The following SPEF2 variants were observed in gnomAD, a reference collection of about 807,000 sequenced individuals.
The protein encoded by SPEF2 is sperm flagellar and cilia associated 2.
In SPEF2, 187 loss-of-function variants were observed where a neutral mutation model predicts 224.6. The ratio of observed to expected loss-of-function variants is 0.83; its 90% CI spans 0.74 to 0.94. The LOEUF is 0.94. SPEF2 is among the 40% of genes least tolerant of loss of function. The probability of loss-of-function intolerance (pLI) is 0.00; values close to 1 mark genes in which losing one functional copy is unlikely to be tolerated. For synonymous variants in SPEF2, 715 were observed against 707.3 expected (o/e 1.01, Z -0.17); for missense variants, 2,170 against 2,135.6 (o/e 1.02, Z -0.32).
chr5:35,708,569 A>ACACCCCCACCATCACCATAACTAT (rs1554037867), intron 18 of SPEF2, among the ~76,000 whole-genome samples: 1 of 91,580 alleles, frequency 1.1e-5, no homozygotes, highest in Non-Finnish European at 2.4e-5. Context: ...CACCACTACC[A>ACACCCCCACCATCACCATAACTAT]CACCACCACC....
intron 26 of SPEF2, among the ~76,000 whole-genome samples, chr5:35,764,282 A>T (rs1316304476): frequency 6.6e-6 from 1 of 152,058 alleles, no homozygotes; most frequent in African/African-American, 2.4e-5. Flanking sequence ...TGGGGTAAGT[A>T]TTATTATTAT....
In SPEF2 at chr5:35,700,708, A is replaced by G. The variant is rs759189552; in HGVS notation, c.2354A>G (p.Asp785Gly). ...GCATTTGATTTTGTCATATTATTAG[A>G]TGTTTCAGATACTTCCTCAATGAGT... ...SPAFDFVILL[D>G]VSDTSSMSRM... The change falls in exon 16 of 37, where the codon GAT becomes GGT. Residue 785 changes from aspartate (D) to glycine (G), a missense_variant. Asp to Gly is a moderately conservative substitution (Grantham distance 94, BLOSUM62 -1). Coordinates refer to ENST00000356031, the MANE Select transcript of SPEF2 (RefSeq NM_024867.4). 1.9e-6 allele frequency: 3 copies of G among 1,613,938 alleles called. No homozygotes were observed.
chr5:35,653,546 T>G (rs1748496288), intron 6 of SPEF2, among the ~76,000 whole-genome samples: 1 of 152,078 alleles, frequency 6.6e-6, no homozygotes, highest in Admixed American at 6.6e-5. Context: ...GACACTTGGG[T>G]TATCAATAGT....
At chr5:35,744,951 G>A (rs1443767539) in intron 23 of SPEF2, among the ~76,000 whole-genome samples, 1 of 152,092 alleles carries the variant, frequency 6.6e-6, no homozygotes, top group Non-Finnish European at 1.5e-5. Flanking sequence ...CGGGACCTGG[G>A]AGACACCCCA....
At chr5:35,789,260 G>A in intron 30 of SPEF2, 1 of 703,166 alleles carries the variant, frequency 1.4e-6, no homozygotes, top group Non-Finnish European at 2.6e-6. Flanking sequence ...CTTGTTGGAT[G>A]TCATGAATGT....
intron 1 of SPEF2, among the ~76,000 whole-genome samples, chr5:35,621,190 T>C (rs954737270): frequency 6.6e-6 from 1 of 152,210 alleles, no homozygotes; most frequent in Non-Finnish European, 1.5e-5. Flanking sequence ...AATAAAGTAT[T>C]GTGGGAGCTT....
At chr5:35,737,873 C>T (rs1021803232) in intron 21 of SPEF2, among the ~76,000 whole-genome samples, 7 of 152,104 alleles carry the variant, frequency 4.6e-5, no homozygotes, top group Non-Finnish European at 8.8e-5. Context: ...TCTCCAGCAC[C>T]TGTTGTTTCC....
chr5:35,664,691 G>A (rs1750201259), intron 8 of SPEF2, among the ~76,000 whole-genome samples: 1 of 146,074 alleles, frequency 6.8e-6, no homozygotes, highest in African/African-American at 2.6e-5. Context: ...GGGAAAGGAA[G>A]GGAAAGAAGA....
intron 2 of SPEF2, among the ~76,000 whole-genome samples, chr5:35,639,500 G>T (rs1223104195): frequency 7.9e-5 from 12 of 151,908 alleles, no homozygotes; most frequent in African/African-American, 2.9e-4. Flanking sequence ...AACACTTTTA[G>T]TTTCTTTAGT....
chr5:35,758,254 G>C (rs1750730637), intron 24 of SPEF2, among the ~76,000 whole-genome samples: 1 of 152,038 alleles, frequency 6.6e-6, no homozygotes, highest in Admixed American at 6.5e-5. Flanking sequence ...TAATTAACTA[G>C]ATACCATGGA....
At chr5:35,807,305 T>C (rs1267429176) in intron 36 of SPEF2, 52 bp downstream of exon 36, 2 of 1,569,338 alleles carry the variant, frequency 1.3e-6, no homozygotes, top group South Asian at 2.4e-5. Flanking sequence ...GTTCAGGACA[T>C]GCTAGGATGT....
intron 21 of SPEF2, among the ~76,000 whole-genome samples, chr5:35,729,995 A>G (rs1053399336): frequency 6.6e-6 from 1 of 152,200 alleles, no homozygotes; most frequent in African/African-American, 2.4e-5. Context: ...TATCAGCTGC[A>G]TGAAAACGGA....
chr5:35,812,686 A>G (rs1242764104), intron 36 of SPEF2, among the ~76,000 whole-genome samples: 1 of 152,246 alleles, frequency 6.6e-6, no homozygotes, highest in Admixed American at 6.5e-5. Context: ...ATTACCTTAT[A>G]ATTGAGGTTT....
At chr5:35,674,527 C>G (rs534703045) in intron 10 of SPEF2, among the ~76,000 whole-genome samples, 4 of 109,812 alleles carry the variant, frequency 3.6e-5, no homozygotes, top group Admixed American at 1.1e-4. Context: ...TCCCTCCCCC[C>G]TCCCCCGACC....
intron 26 of SPEF2, among the ~76,000 whole-genome samples, chr5:35,771,009 C>A (rs981389796): frequency 1.3e-5 from 2 of 152,096 alleles, no homozygotes; most frequent in Admixed American, 6.5e-5. Context: ...TTCAACTGTC[C>A]ATGACCCAAT....
At position 35,695,858 on chromosome 5, in the gene SPEF2, T is replaced by G. The variant is rs1367639477; in HGVS notation, c.2037+62T>G. On this transcript the variant is annotated intron_variant, in intron 14 of 36. Transcript: ENST00000356031. The stretch of plus-strand genomic sequence containing the variant: ...TAAAACCTGTCATGATTAATGGTGT[T>G]TTGGAGTGTCTTCGAATGCAATGAA... The G allele has an allele frequency of 3.1e-6, 4 of 1,300,350 alleles. No individual in the cohort carries two copies. The African/African-American group carries it at 4.7e-5, about 15-fold the overall frequency. The allele number at this position is 1,300,350 out of a possible 1,614,324, so 80.6% of individuals were successfully genotyped here. A position where few individuals can be genotyped will look rare whatever the true frequency, so the allele number is the denominator to read the frequency against.
chr5:35,659,425 A>G (rs1461063630), intron 8 of SPEF2, among the ~76,000 whole-genome samples: 1 of 152,152 alleles, frequency 6.6e-6, no homozygotes, highest in Admixed American at 6.5e-5. Flanking sequence ...TCTTGGTTCT[A>G]CAAGTAGCTA....
intron 19 of SPEF2, among the ~76,000 whole-genome samples, chr5:35,711,050 A>G (rs1741007574): frequency 1.3e-5 from 2 of 152,334 alleles, no homozygotes; most frequent in African/African-American, 4.8e-5. Flanking sequence ...AGAGAGGAAC[A>G]TTTATCACAG....
intron 9 of SPEF2, 88 bp from the exon 10 acceptor site, chr5:35,669,971 A>G (rs1017271845): frequency 9.7e-7 from 1 of 1,029,130 alleles, no homozygotes; most frequent in Admixed American, 2.6e-5. Context: ...AAAGTGAGCT[A>G]ATTACATAAA....
Sources: allele counts gnomAD v4.1 joint callset (sites outside exome capture counted in the v4.1 genomes callset), GRCh38; gene constraint gnomAD v4.1.1; transcripts MANE v1.5; gene names NCBI Gene and HGNC (gene_info 2026-07-23, HGNC 2026-07-21).